The following GRIP1 variants were observed in gnomAD, a reference collection of about 807,000 sequenced individuals.
The protein encoded by GRIP1 is glutamate receptor interacting protein 1.
In GRIP1, 45 loss-of-function variants were observed where a neutral mutation model predicts 129.9. That is an observed-to-expected ratio of 0.35 (90% confidence interval 0.27 to 0.44). The LOEUF (loss-of-function observed/expected upper bound fraction) is 0.44. Ranked by LOEUF, GRIP1 falls within the 20% of genes least tolerant of loss-of-function variation. The pLI is 1.00. For synonymous variants in GRIP1, 530 were observed against 520.8 expected (o/e 1.02, Z -0.24); for missense variants, 1,196 against 1,396.8 (o/e 0.86, Z 2.29).
At chr12:66,837,520 C>T (rs12309869) in intron 1 of GRIP1, among the ~76,000 whole-genome samples, 24,607 of 151,954 alleles carry the variant, frequency 0.16, 2,143 homozygotes, top group East Asian at 0.37. Flanking sequence ...GGTATGTGTG[C>T]AGCAAAAGTG....
intron 12 of GRIP1, 86 bp from the exon 13 acceptor site, chr12:66,444,815 G>T: frequency 7.3e-7 from 1 of 1,363,320 alleles, no homozygotes; most frequent in Non-Finnish European, 1.1e-6. Context: ...CTTGATCCTT[G>T]CAAAATAGCA....
chr12:66,649,331 G>A (rs952105745), intron 1 of GRIP1, among the ~76,000 whole-genome samples: 3 of 152,204 alleles, frequency 2.0e-5, no homozygotes, highest in Non-Finnish European at 4.4e-5. Flanking sequence ...AAAGCCATCA[G>A]CTCTGTATTT....
intron 1 of GRIP1, among the ~76,000 whole-genome samples, chr12:66,747,428 A>C (rs1200307504): frequency 1.3e-5 from 2 of 152,238 alleles, no homozygotes; most frequent in Non-Finnish European, 2.9e-5. Flanking sequence ...TCCTTGACAG[A>C]GACTCAAAAT....
At chr12:66,634,178 A>C (rs925378060) in intron 1 of GRIP1, among the ~76,000 whole-genome samples, 1 of 152,216 alleles carries the variant, frequency 6.6e-6, no homozygotes, top group Non-Finnish European at 1.5e-5. Context: ...TTTCCCATAC[A>C]TTTCCAATGT....
intron 9 of GRIP1, among the ~76,000 whole-genome samples, chr12:66,459,595 G>A (rs972523784): frequency 5.9e-5 from 9 of 152,168 alleles, no homozygotes; most frequent in African/African-American, 2.2e-4. Context: ...CTCAGACTGT[G>A]CCAATTGCTA....
chr12:66,635,488 A>G (rs1409904710), intron 1 of GRIP1, among the ~76,000 whole-genome samples: 1 of 152,100 alleles, frequency 6.6e-6, no homozygotes, highest in African/African-American at 2.4e-5. Context: ...TTCCTAAAAT[A>G]TCCATGTTTG....
chr12:66,542,510 G>T (rs1195024104), intron 2 of GRIP1, among the ~76,000 whole-genome samples: 1 of 152,118 alleles, frequency 6.6e-6, no homozygotes, highest in East Asian at 1.9e-4. Flanking sequence ...TGTCATTCTT[G>T]CAGAATATGT....
intron 5 of GRIP1, among the ~76,000 whole-genome samples, chr12:66,525,011 C>T (rs193248259): frequency 6.6e-6 from 1 of 152,284 alleles, no homozygotes; most frequent in African/African-American, 2.4e-5. Flanking sequence ...AGACCAATAA[C>T]AGGCTCTGAA....
chr12:66,749,076 A>G (rs2037043708), intron 1 of GRIP1, among the ~76,000 whole-genome samples: 1 of 152,198 alleles, frequency 6.6e-6, no homozygotes, highest in Non-Finnish European at 1.5e-5. Context: ...GTTGCCCGCA[A>G]GTATCCATTC....
At chr12:66,415,453 T>C (rs2057564734) in intron 15 of GRIP1, among the ~76,000 whole-genome samples, 1 of 152,164 alleles carries the variant, frequency 6.6e-6, no homozygotes, top group Non-Finnish European at 1.5e-5. Flanking sequence ...GAAAAAGGAA[T>C]GCTTTTACAT....
chr12:66,908,933 A>G (rs1430848407), intron 1 of GRIP1, among the ~76,000 whole-genome samples: 1 of 152,230 alleles, frequency 6.6e-6, no homozygotes, highest in African/African-American at 2.4e-5. Context: ...TGCCTCAGAC[A>G]TAGTAACTCT....
At chr12:66,459,176 T>G (rs930370280) in intron 9 of GRIP1, among the ~76,000 whole-genome samples, 12 of 152,320 alleles carry the variant, frequency 7.9e-5, no homozygotes, top group African/African-American at 2.6e-4. Flanking sequence ...CATGAATGAA[T>G]GAATAAACAA....
At position 66,353,298 on chromosome 12, in the gene GRIP1, C is replaced by A. The variant is rs2054322737; in HGVS notation, c.3159+119G>T. On this transcript the variant is annotated intron_variant, in intron 24 of 24. Transcript: ENST00000359742. ...TGTTTGCTTCTACTGATTCCATAATCTTGATGACAAAGGCTGAAAGGGAAA... is the reference window on the plus strand; with the variant it reads ...TGTTTGCTTCTACTGATTCCATAATATTGATGACAAAGGCTGAAAGGGAAA... 18 of 795,906 alleles carry A rather than the reference C, an allele frequency of 2.3e-5. No individual in the cohort carries two copies. The South Asian group carries it at 2.3e-4, about 10-fold the overall frequency. 49.3% of individuals were successfully genotyped at this position (795,906 alleles called of 1,614,324 possible).
At chr12:66,521,189 T>C (rs2060991288) in intron 5 of GRIP1, among the ~76,000 whole-genome samples, 1 of 152,192 alleles carries the variant, frequency 6.6e-6, no homozygotes, top group Admixed American at 6.5e-5. Context: ...CTGTAATTCC[T>C]TGTAGATCAA....
intron 13 of GRIP1, among the ~76,000 whole-genome samples, chr12:66,435,966 G>T (rs2138008246): frequency 6.6e-6 from 1 of 152,160 alleles, no homozygotes; most frequent in African/African-American, 2.4e-5. Flanking sequence ...CTAAAGCAAA[G>T]GCATATTTAA....
At chr12:66,535,056 C>T (rs988978106) in intron 4 of GRIP1, among the ~76,000 whole-genome samples, 11 of 152,106 alleles carry the variant, frequency 7.2e-5, no homozygotes, top group South Asian at 4.1e-4. Context: ...ATCTTCCCTT[C>T]GCGCTGCACC....
chr12:66,363,809 A>G (rs1025443583), intron 23 of GRIP1, among the ~76,000 whole-genome samples: 7 of 152,098 alleles, frequency 4.6e-5, no homozygotes, highest in African/African-American at 7.2e-5. Context: ...CAAAAAGTAG[A>G]ATGGTGGTTA....
intron 1 of GRIP1, among the ~76,000 whole-genome samples, chr12:66,637,779 A>T (rs2031544033): frequency 2.0e-5 from 3 of 152,154 alleles, no homozygotes; most frequent in Admixed American, 6.6e-5. Context: ...TGTCTATCAT[A>T]TGATAATGCA....
At chr12:66,385,817 C>T (rs1592740067) in intron 19 of GRIP1, among the ~76,000 whole-genome samples, 1 of 152,174 alleles carries the variant, frequency 6.6e-6, no homozygotes, top group East Asian at 1.9e-4. Context: ...ACCATGTTGG[C>T]CAGGCTGATT....
Sources: gnomAD v4.1 joint callset for allele counts (sites outside exome capture counted in the v4.1 genomes callset) on GRCh38, gnomAD v4.1.1 for gene constraint, MANE v1.5 for transcripts, NCBI Gene and HGNC (gene_info 2026-07-23, HGNC 2026-07-21) for gene names.